The following SORCS3 variants were observed in gnomAD, a reference collection of about 807,000 sequenced individuals.
SORCS3 encodes the protein sortilin related VPS10 domain containing receptor 3.
Under a neutral mutation model 146.3 loss-of-function variants are expected in SORCS3, and 57 were observed. That is an observed-to-expected ratio of 0.39 (90% confidence interval 0.31 to 0.49). The LOEUF (loss-of-function observed/expected upper bound fraction) is 0.49. Among genes scored for constraint, SORCS3 ranks in the 20% least tolerant of loss-of-function variants. The pLI is 0.92. For synonymous variants in SORCS3, 653 were observed against 618.5 expected, an observed-to-expected ratio of 1.06 and a Z score of -0.83; for missense variants, 1,341 against 1,575.5, an observed-to-expected ratio of 0.85 and a Z score of 2.52.
intron 1 of SORCS3, among the ~76,000 whole-genome samples, chr10:104,776,877 A>G (rs1384452802): frequency 1.6e-4 from 24 of 147,780 alleles, no homozygotes; most frequent in South Asian, 2.1e-4. Context: ...GCAGCAGGGA[A>G]AAAAAAAAAA....
At chr10:105,019,655 A>G (rs1226320375) in intron 4 of SORCS3, among the ~76,000 whole-genome samples, 1 of 152,176 alleles carries the variant, frequency 6.6e-6, no homozygotes, top group African/African-American at 2.4e-5. Context: ...CTATTTATCA[A>G]GTGTCTCCTA....
At chr10:105,170,053 C>A (rs2056346602) in intron 13 of SORCS3, among the ~76,000 whole-genome samples, 1 of 152,036 alleles carries the variant, frequency 6.6e-6, no homozygotes, top group African/African-American at 2.4e-5. Context: ...TTTCCTTGTG[C>A]TGAGGAAAGA....
intron 2 of SORCS3, among the ~76,000 whole-genome samples, chr10:104,897,016 C>CTA (rs1274161603): frequency 1.3e-5 from 2 of 152,122 alleles, no homozygotes; most frequent in African/African-American, 4.8e-5. Flanking sequence ...AGGTGCTGGA[C>CTA]TATAGCATGC....
At chr10:105,024,315 G>C (rs1482340917) in intron 4 of SORCS3, among the ~76,000 whole-genome samples, 1 of 151,918 alleles carries the variant, frequency 6.6e-6, no homozygotes, top group Non-Finnish European at 1.5e-5. Flanking sequence ...TTTTGTTGTT[G>C]TTTGTTTTGT....
chr10:105,208,501 A>G (rs71473549), intron 16 of SORCS3, among the ~76,000 whole-genome samples: 1 of 151,906 alleles, frequency 6.6e-6, no homozygotes, highest in East Asian at 1.9e-4. Context: ...TCAAACTACC[A>G]ACCTGACATG....
intron 3 of SORCS3, among the ~76,000 whole-genome samples, chr10:104,973,089 C>T (rs1411587903): frequency 2.6e-5 from 4 of 151,926 alleles, no homozygotes; most frequent in South Asian, 2.1e-4. Context: ...CTGCTGGATT[C>T]GTTTTGCCAG....
chr10:104,678,018 C>T (rs2015931144), intron 1 of SORCS3, among the ~76,000 whole-genome samples: 1 of 152,154 alleles, frequency 6.6e-6, no homozygotes, highest in Non-Finnish European at 1.5e-5. Flanking sequence ...TTCCCAGGAG[C>T]TTGCATTCTA....
At chr10:104,856,981 T>TGA (rs201990172) in intron 2 of SORCS3, among the ~76,000 whole-genome samples, 3 of 147,032 alleles carry the variant, frequency 2.0e-5, no homozygotes, top group East Asian at 2.0e-4. Context: ...CAAAGGCGTG[T>TGA]GAGAGAGAGA....
At chr10:105,156,701 A>G (rs1005114503) in intron 9 of SORCS3, among the ~76,000 whole-genome samples, 1 of 152,188 alleles carries the variant, frequency 6.6e-6, no homozygotes, top group Non-Finnish European at 1.5e-5. Context: ...GGATATCTTC[A>G]TTACTACTAA....
At chr10:104,889,299 A>T (rs1457988272) in intron 2 of SORCS3, among the ~76,000 whole-genome samples, 9 of 145,626 alleles carry the variant, frequency 6.2e-5, no homozygotes, top group South Asian at 2.2e-4. Context: ...TTTTTTTTTT[A>T]AATCCGATCT....
At chr10:104,809,484 T>C (rs190440856) in intron 1 of SORCS3, among the ~76,000 whole-genome samples, 1 of 152,178 alleles carries the variant, frequency 6.6e-6, no homozygotes, top group African/African-American at 2.4e-5. Context: ...AGACCTGGAC[T>C]CAGAACTGTA....
intron 4 of SORCS3, among the ~76,000 whole-genome samples, chr10:105,009,705 A>G (rs1391753276): frequency 6.6e-6 from 1 of 151,922 alleles, no homozygotes; most frequent in Non-Finnish European, 1.5e-5. Context: ...TTTTCATATA[A>G]TTCAAATTTT....
chr10:104,855,301 G>A (rs949673202), intron 2 of SORCS3, among the ~76,000 whole-genome samples: 1 of 152,112 alleles, frequency 6.6e-6, no homozygotes, highest in Non-Finnish European at 1.5e-5. Flanking sequence ...CTGTTCTAGG[G>A]CCTGTGCTTT....
chr10:105,145,916 A>T (rs893357524), intron 8 of SORCS3, among the ~76,000 whole-genome samples: 1 of 151,990 alleles, frequency 6.6e-6, no homozygotes, highest in African/African-American at 2.4e-5. Context: ...CTCCTTTATA[A>T]ATCATCTTGG....
intron 16 of SORCS3, among the ~76,000 whole-genome samples, chr10:105,207,296 A>G (rs962227636): frequency 6.7e-6 from 1 of 150,140 alleles, no homozygotes; most frequent in Non-Finnish European, 1.5e-5. Flanking sequence ...TATTATTATT[A>G]TTATTATTTC....
chr10:105,167,574 G>A (rs909922256), intron 13 of SORCS3, among the ~76,000 whole-genome samples: 1 of 152,130 alleles, frequency 6.6e-6, no homozygotes, highest in African/African-American at 2.4e-5. Flanking sequence ...GGGTGGTAAT[G>A]AGTGGTCAGA....
chr10:104,797,579 T>C (rs1014716698), intron 1 of SORCS3, among the ~76,000 whole-genome samples: 2 of 152,184 alleles, frequency 1.3e-5, no homozygotes, highest in African/African-American at 2.4e-5. Context: ...TTGACTACTA[T>C]GTGCCTCACA....
intron 1 of SORCS3, among the ~76,000 whole-genome samples, chr10:104,686,132 C>T (rs2016040513): frequency 6.6e-6 from 1 of 151,962 alleles, no homozygotes; most frequent in African/African-American, 2.4e-5. Context: ...TCTAATTTCT[C>T]TCGCAGGCCA....
At chr10:104,728,322 C>T (rs1379174247) in intron 1 of SORCS3, among the ~76,000 whole-genome samples, 1 of 152,064 alleles carries the variant, frequency 6.6e-6, no homozygotes, top group Non-Finnish European at 1.5e-5. Context: ...GTCAGCTTAA[C>T]CTGTGATCTT....
Sources: gnomAD v4.1 joint callset for allele counts (sites outside exome capture counted in the v4.1 genomes callset) on GRCh38, gnomAD v4.1.1 for gene constraint, MANE v1.5 for transcripts, NCBI Gene and HGNC (gene_info 2026-07-23, HGNC 2026-07-21) for gene names.